Variants in TRIO observed in about 807,000 individuals in gnomAD.
TRIO encodes triple functional domain protein.
A neutral mutation model predicts 351.9 loss-of-function variants in TRIO; 58 were observed. The observed-to-expected ratio is 0.16, with a 90% CI of 0.13 to 0.21. The LOEUF (loss-of-function observed/expected upper bound fraction) is 0.21, where lower values mean the gene tolerates loss of function less well. TRIO is among the 10% of genes least tolerant of loss of function. The pLI is 1.00. For missense variants in TRIO, 3,201 were observed against 4,027.8 expected (o/e 0.79, Z 5.56); for synonymous variants, 1,758 against 1,595.7 (o/e 1.10, Z -2.42).
intron 1 of TRIO, among the ~76,000 whole-genome samples, chr5:14,256,403 A>G (rs1005460309): frequency 2.0e-5 from 3 of 152,176 alleles, no homozygotes; most frequent in Non-Finnish European, 2.9e-5. Flanking sequence ...CATCCAAACT[A>G]TATCAAATGG....
intron 54 of TRIO, among the ~76,000 whole-genome samples, chr5:14,503,196 A>T (rs1477106576): frequency 2.6e-5 from 4 of 152,226 alleles, no homozygotes; most frequent in African/African-American, 9.6e-5. Context: ...CAGCACACAC[A>T]TTCAGGTGTT....
At chr5:14,284,371 G>A (rs1736266240) in intron 3 of TRIO, among the ~76,000 whole-genome samples, 1 of 152,168 alleles carries the variant, frequency 6.6e-6, no homozygotes, top group Admixed American at 6.5e-5. Context: ...ACCCAGGTTT[G>A]GGGATGTTTA....
At chr5:14,327,198 G>A (rs1239014551) in intron 9 of TRIO, among the ~76,000 whole-genome samples, 1 of 152,114 alleles carries the variant, frequency 6.6e-6, no homozygotes, top group Non-Finnish European at 1.5e-5. Flanking sequence ...GAGTTTTGCT[G>A]TTGTAGCCCA....
Position 14,337,890 on chromosome 5 carries a change from C to T in TRIO, c.2046+1163C>T, listed in dbSNP as rs1027636901. ...GCCCCGGGCTGGCAGCTGGCTCTCT[C>T]GATCCTTTCTGCCAAGGGGCTGGTG... On this transcript the variant is annotated intron_variant, in intron 11 of 56. Transcript: ENST00000344204. Among the ~76,000 whole-genome samples the T allele has an allele frequency of 5.3e-5, 8 of 152,152 alleles. No individual in the cohort carries two copies. In the South Asian group the frequency reaches 8.3e-4, roughly 16 times the overall value.
intron 11 of TRIO, among the ~76,000 whole-genome samples, chr5:14,353,114 G>A (rs1222926253): frequency 2.6e-5 from 4 of 152,042 alleles, no homozygotes; most frequent in East Asian, 1.9e-4. Flanking sequence ...GTAGGAACCC[G>A]AATGTGTTTT....
chr5:14,456,179 G>C (rs1044202237), intron 34 of TRIO, among the ~76,000 whole-genome samples: 1 of 152,244 alleles, frequency 6.6e-6, no homozygotes, highest in African/African-American at 2.4e-5. Context: ...GGCCCGCTGA[G>C]CACACGCCCA....
intron 1 of TRIO, among the ~76,000 whole-genome samples, chr5:14,235,042 C>T (rs1248642500): frequency 1.3e-5 from 2 of 152,036 alleles, no homozygotes; most frequent in Non-Finnish European, 2.9e-5. Context: ...TAAATATTAA[C>T]AGAAGCTTTA....
intron 53 of TRIO, among the ~76,000 whole-genome samples, chr5:14,501,321 C>A (rs1757287831): frequency 6.6e-6 from 1 of 152,174 alleles, no homozygotes; most frequent in South Asian, 2.1e-4. Flanking sequence ...AAAAAGACTG[C>A]AGAACAAAAC....
In TRIO at chr5:14,487,667, C is replaced by T. The variant is rs765336109; in HGVS notation, c.7039C>T (p.His2347Tyr). 9.8e-5 allele frequency: 135 copies of T among 1,377,814 alleles called. No homozygotes were observed. Among genetic ancestry groups the T allele is most frequent in the Non-Finnish European group, 1.2e-4 (125 of 1,054,252 alleles). 85.3% of individuals were successfully genotyped at this position (1,377,814 alleles called of 1,614,324 possible). A position where few individuals can be genotyped will look rare whatever the true frequency, so the allele number is the denominator to read the frequency against. The change falls in exon 48 of 57, where the codon CAC (histidine) becomes TAC (tyrosine). Residue 2347 changes from histidine (H) to tyrosine (Y), a missense_variant. This residue lies in a region of TRIO where 1,089 missense variants were observed against 954.9 expected (regional missense o/e 1.14). Coordinates refer to ENST00000344204, the MANE Select transcript of TRIO (RefSeq NM_007118.4). ...RPSRIPQPVR[H>Y]HPPVLVSSAA... ...CTCCCGGATCCCCCAGCCTGTCCGA[C>T]ACCACCCCCCCGTGCTGGTCTCCTC...
At chr5:14,147,139 T>G (rs1476055899) in intron 1 of TRIO, among the ~76,000 whole-genome samples, 1 of 151,950 alleles carries the variant, frequency 6.6e-6, no homozygotes, top group Non-Finnish European at 1.5e-5. Context: ...AAAACCAATT[T>G]CAATGCAAGA....
At chr5:14,397,459 G>T (rs1408462005) in intron 29 of TRIO, 1 of 281,056 alleles carries the variant, frequency 3.6e-6, no homozygotes, top group Admixed American at 4.9e-5. Context: ...GTAGGTGGGT[G>T]TATGGGTGGA....
At chr5:14,506,778 A>G (rs1400895306) in intron 55 of TRIO, among the ~76,000 whole-genome samples, 1 of 152,122 alleles carries the variant, frequency 6.6e-6, no homozygotes, top group Non-Finnish European at 1.5e-5. Flanking sequence ...AGCATGAGCT[A>G]CTTGCCTTCC....
At chr5:14,391,045 G>A (rs1289877273) in intron 27 of TRIO, 55 bp downstream of exon 27, 23 of 1,384,320 alleles carry the variant, frequency 1.7e-5, no homozygotes, top group Non-Finnish European at 2.1e-5. Flanking sequence ...TACATAAAAT[G>A]CGGCATTACT....
chr5:14,192,894 GTTTAC>G (rs1790541603), intron 1 of TRIO, among the ~76,000 whole-genome samples: 1 of 152,196 alleles, frequency 6.6e-6, no homozygotes, highest in East Asian at 1.9e-4. Context: ...GCAAGTCATA[GTTTAC>G]TTTGAAGTTA....
rs140803436 is a variant in TRIO at position 14,502,958 on chromosome 5, C to G, written c.8411+301C>G. ...GCTCTGTGCCGTCCTTGGGAGAGTTCAGGAGTCTTTCAAACGCTTCTTGTA... is the reference window on the plus strand; with the variant it reads ...GCTCTGTGCCGTCCTTGGGAGAGTTGAGGAGTCTTTCAAACGCTTCTTGTA... On this transcript the variant is annotated intron_variant, in intron 54 of 56. Transcript: ENST00000344204. Among the ~76,000 whole-genome samples, 147 of 152,342 alleles carry G rather than the reference C, an allele frequency of 9.6e-4. 2 individuals carry two copies. The highest frequency in any genetic ancestry group is 3.3e-3 in the African/African-American group (139 of 41,568).
At chr5:14,479,496 T>A in intron 42 of TRIO, 146 bp downstream of exon 42, 1 of 678,692 alleles carries the variant, frequency 1.5e-6, no homozygotes, top group Non-Finnish European at 2.4e-6. Context: ...TTTCTTTCTT[T>A]CCTGTAAATC....
At chr5:14,231,139 C>T (rs762642953) in intron 1 of TRIO, among the ~76,000 whole-genome samples, 8 of 152,202 alleles carry the variant, frequency 5.3e-5, no homozygotes, top group East Asian at 1.9e-4. Context: ...ACAACCCTCT[C>T]GATCCTCTTG....
chr5:14,379,903 C>T (rs538053420), intron 20 of TRIO, among the ~76,000 whole-genome samples: 3 of 152,196 alleles, frequency 2.0e-5, no homozygotes, highest in Admixed American at 6.5e-5. Context: ...TTTCGCAGAC[C>T]GGCCTCCAGG....
rs575695008 is a variant in TRIO, at chr5:14,156,472, G to A, written c.157+12590G>A. Among the ~76,000 whole-genome samples the A allele has an allele frequency of 1.1e-4, 16 of 152,220 alleles. 1 individual carries two copies. Among genetic ancestry groups the A allele is most frequent in the South Asian group, 4.2e-4 (2 of 4,816 alleles). ...AGACATTAATTACACATATGCAAAC[G>A]TGATTGAGATCTCTTTCTGCACCTC... On this transcript the variant is annotated intron_variant, in intron 1 of 56. Coordinates refer to ENST00000344204, the MANE Select transcript of TRIO (RefSeq NM_007118.4).
Sources: gnomAD v4.1 joint callset for allele counts (sites outside exome capture counted in the v4.1 genomes callset) on GRCh38, gnomAD v4.1.1 for gene constraint, gnomAD v4.1.1 regional missense constraint, MANE v1.5 for transcripts, NCBI Gene and HGNC (gene_info 2026-07-23, HGNC 2026-07-21) for gene names.